The following MRPL13 variants were observed in gnomAD, a reference collection of about 807,000 sequenced individuals.
MRPL13 encodes mitochondrial ribosomal protein L13, also known as large ribosomal subunit protein uL13m.
A neutral mutation model predicts 29.0 loss-of-function variants in MRPL13; 33 were observed. That is an observed-to-expected ratio of 1.14 (90% CI 0.86 to 1.52). The LOEUF (loss-of-function observed/expected upper bound fraction) is 1.52, where lower values mean the gene tolerates loss of function less well. MRPL13 is among the 40% of genes most tolerant of loss of function. MRPL13 has a pLI of 0.00. For missense variants in MRPL13, 227 were observed against 216.7 expected, an observed-to-expected ratio of 1.05 and a Z score of -0.30; for synonymous variants, 77 against 68.4, an observed-to-expected ratio of 1.13 and a Z score of -0.62.
intron 4 of MRPL13, among the ~76,000 whole-genome samples, chr8:120,422,601 T>C (rs1046006291): frequency 1.3e-5 from 2 of 148,438 alleles, no homozygotes; most frequent in Non-Finnish European, 3.0e-5. Flanking sequence ...TATATAAACA[T>C]ATAAATATAT....
intron 1 of MRPL13, chr8:120,444,833 G>A (rs1367783841): frequency 4.7e-5 from 11 of 233,716 alleles, no homozygotes; most frequent in African/African-American, 8.2e-5. Flanking sequence ...TCTTCCCCCC[G>A]CCCCCCCAAG....
intron 2 of MRPL13, among the ~76,000 whole-genome samples, chr8:120,437,330 C>A (rs76318548): frequency 6.6e-6 from 1 of 152,110 alleles, no homozygotes; most frequent in Non-Finnish European, 1.5e-5. Flanking sequence ...TGTTAGCATT[C>A]ATAGCATTAA....
chr8:120,430,051 C>T (rs560946532), intron 3 of MRPL13, among the ~76,000 whole-genome samples: 1 of 152,158 alleles, frequency 6.6e-6, no homozygotes. Flanking sequence ...CACCTGATGT[C>T]AGGAGTTCGA....
At chr8:120,442,783 T>C (rs1234192810) in intron 2 of MRPL13, among the ~76,000 whole-genome samples, 2 of 152,198 alleles carry the variant, frequency 1.3e-5, no homozygotes, top group African/African-American at 4.8e-5. Context: ...GCTAGCACCA[T>C]ATATTTTTCT....
chr8:120,412,500 G>A (rs932056537), intron 6 of MRPL13, among the ~76,000 whole-genome samples: 1 of 152,168 alleles, frequency 6.6e-6, no homozygotes, highest in African/African-American at 2.4e-5. Flanking sequence ...ACTGAGTTGA[G>A]ATGAAGAAAC....
At chr8:120,420,467 A>C (rs1812856282) in intron 4 of MRPL13, among the ~76,000 whole-genome samples, 2 of 147,082 alleles carry the variant, frequency 1.4e-5, no homozygotes, top group South Asian at 4.2e-4. Context: ...CATATATATA[A>C]ACATATATAA....
At chr8:120,407,634 A>T (rs1266233305) in intron 6 of MRPL13, among the ~76,000 whole-genome samples, 1 of 150,076 alleles carries the variant, frequency 6.7e-6, no homozygotes, top group Non-Finnish European at 1.5e-5. Flanking sequence ...GGGCAAAAAG[A>T]GCAAAACTCC....
At chr8:120,438,274 G>A (rs945267001) in intron 2 of MRPL13, among the ~76,000 whole-genome samples, 3 of 152,184 alleles carry the variant, frequency 2.0e-5, no homozygotes, top group African/African-American at 7.2e-5. Context: ...TCAGAAGGTG[G>A]AGGCTGCACT....
At position 120,445,132 on chromosome 8, in the gene MRPL13, T is replaced by C. The variant is rs776650134; in HGVS notation, c.-38A>G. 3.1e-6 allele frequency: 5 copies of C among 1,613,620 alleles called. No homozygotes were observed. The East Asian group carries it at 6.7e-5, about 22-fold the overall frequency. ...GCAGGACCGTACGTCCTTCTCCTAG[T>C]AGCCACGCCGGGTCACTCAGCCTTA... is the stretch of plus-strand genomic sequence containing the variant. On this transcript the variant is annotated 5_prime_UTR_variant, in exon 1 of 7. Coordinates refer to ENST00000306185, the MANE Select transcript of MRPL13 (RefSeq NM_014078.6).
chr8:120,403,088 G>A (rs1586917263), intron 6 of MRPL13, among the ~76,000 whole-genome samples: 1 of 152,124 alleles, frequency 6.6e-6, no homozygotes, highest in East Asian at 1.9e-4. Flanking sequence ...AAGACAGTGT[G>A]GCAATTCCTC....
In MRPL13 at chr8:120,397,989, C is replaced by A. The variant is rs116415993; in HGVS notation, c.516-1864G>T. On this transcript the variant is annotated intron_variant, in intron 6 of 6. Transcript: ENST00000306185. ...AGGGTTATACAGACAGATCTCTGATCCCTCCCAGGGATGGAGCCCCTGGCG... is the reference window on the plus strand; with the variant it reads ...AGGGTTATACAGACAGATCTCTGATACCTCCCAGGGATGGAGCCCCTGGCG... Among the ~76,000 whole-genome samples the A allele has an allele frequency of 5.1e-3, 781 of 152,328 alleles. 8 individuals are homozygous for A. The highest frequency in any genetic ancestry group is 0.017 in the African/African-American group (696 of 41,590).
intron 3 of MRPL13, 71 bp downstream of exon 3, chr8:120,431,959 G>T: frequency 1.9e-6 from 2 of 1,058,014 alleles, no homozygotes; most frequent in Non-Finnish European, 2.7e-6. Flanking sequence ...TTTCTTTTAA[G>T]TAAGAACAAC....
intron 6 of MRPL13, among the ~76,000 whole-genome samples, chr8:120,404,865 T>C (rs1812646615): frequency 6.6e-6 from 1 of 152,082 alleles, no homozygotes; most frequent in South Asian, 2.1e-4. Flanking sequence ...ACCATTTTAT[T>C]CTATATGATG....
In MRPL13 at chr8:120,425,356, C is replaced by T. The variant is rs1204198869; in HGVS notation, c.256G>A (p.Gly86Arg). The T allele has an allele frequency of 2.5e-6, 4 of 1,611,990 alleles. No homozygotes were observed. The highest frequency in any genetic ancestry group is 1.7e-6 in the Non-Finnish European group (2 of 1,178,610). Residue 86 changes from glycine (G) to arginine (R), a missense_variant, in exon 4 of 7, where the codon GGA becomes AGA. Gly to Arg is a moderately radical substitution (Grantham distance 125). Transcript: ENST00000306185. Reference sequence around the variant, plus strand: ...TGAGCAGCTGTTACTTGTCTAAATCCACCTGGGTAGCTGTTAAAAGGAGAA... The same window carrying T: ...TGAGCAGCTGTTACTTGTCTAAATCTACCTGGGTAGCTGTTAAAAGGAGAA... ...VYSSHTGYPGGFRQVTAAQLH... is the reference protein window; with the variant it reads ...VYSSHTGYPGRFRQVTAAQLH...
intron 2 of MRPL13, among the ~76,000 whole-genome samples, chr8:120,439,164 A>G (rs2130486337): frequency 6.6e-6 from 1 of 152,360 alleles, no homozygotes; most frequent in East Asian, 1.9e-4. Context: ...CTGAGGCTGA[A>G]CAAGGTGATG....
rs187016103 is a variant in MRPL13, at chr8:120,402,632, G to T, written c.516-6507C>A. 5.1e-3 allele frequency among the ~76,000 whole-genome samples: 782 copies of T among 152,248 alleles called. 8 individuals carry two copies. Among genetic ancestry groups the T allele is most frequent in the African/African-American group, 0.017 (696 of 41,546 alleles). On this transcript the variant is annotated intron_variant, in intron 6 of 6. Coordinates refer to ENST00000306185, the MANE Select transcript of MRPL13 (RefSeq NM_014078.6). ...AATTTCAAAAGCAATTACAACAAAA[G>T]CATAAATTGACAAATGGGATCTAAT... is the stretch of plus-strand genomic sequence containing the variant.
intron 3 of MRPL13, among the ~76,000 whole-genome samples, chr8:120,429,625 T>G (rs1812976196): frequency 6.6e-6 from 1 of 152,130 alleles, no homozygotes; most frequent in Admixed American, 6.5e-5. Context: ...TACTACTTAG[T>G]AACCAAAAAT....
At chr8:120,402,876 G>A (rs544012923) in intron 6 of MRPL13, among the ~76,000 whole-genome samples, 141 of 152,158 alleles carry the variant, frequency 9.3e-4, no homozygotes, top group African/African-American at 3.2e-3. Flanking sequence ...ACATTCATGA[G>A]GCCAACAAAC....
intron 2 of MRPL13, among the ~76,000 whole-genome samples, chr8:120,441,482 G>C (rs926953474): frequency 1.3e-5 from 2 of 152,148 alleles, no homozygotes; most frequent in Non-Finnish European, 2.9e-5. Context: ...AAGAAAGGGA[G>C]AAGAAACAGG....
Sources: allele counts gnomAD v4.1 joint callset (sites outside exome capture counted in the v4.1 genomes callset), GRCh38; gene constraint gnomAD v4.1.1; transcripts MANE v1.5; gene names NCBI Gene and HGNC (gene_info 2026-07-23, HGNC 2026-07-21).